The following CLECL1 variants were observed in gnomAD, a reference collection of about 807,000 sequenced individuals.
CLECL1 encodes C-type lectin-like domain family 1.
the CLECL1 span, among the ~76,000 whole-genome samples, chr12:9,703,139 C>A: frequency 5.9e-5 from 9 of 152,178 alleles, no homozygotes; most frequent in South Asian, 1.7e-3. Context: ...CTGACAGTTT[C>A]TGACTGCAAT....
At chr12:9,703,732 G>T in the CLECL1 span, among the ~76,000 whole-genome samples, 1 of 151,494 alleles carries the variant, frequency 6.6e-6, no homozygotes, top group Admixed American at 6.6e-5. Context: ...ACACTTGCCC[G>T]CATATATATA....
chr12:9,714,192 T>A (rs746198545), downstream of CLECL1, among the ~76,000 whole-genome samples: 1 of 152,392 alleles, frequency 6.6e-6, no homozygotes, highest in Non-Finnish European at 1.5e-5. Flanking sequence ...GATATCTTCA[T>A]GAGCCATCTT....
At chr12:9,722,602 C>T, downstream of CLECL1, 1 of 1,553,428 alleles carries the variant, frequency 6.4e-7, no homozygotes, top group Middle Eastern at 1.7e-4. Flanking sequence ...AAATTCACTG[C>T]CAGTGTGGGG....
At chr12:9,724,973 C>T (rs1294485294) in intron 3 of CLECL1, among the ~76,000 whole-genome samples, 1 of 151,978 alleles carries the variant, frequency 6.6e-6, no homozygotes, top group African/African-American at 2.4e-5. Flanking sequence ...TACAAAAATC[C>T]CTCATCCTCA....
At chr12:9,703,943 T>G in the CLECL1 span, 1 of 151,866 alleles carries the variant, frequency 6.6e-6, no homozygotes, top group Non-Finnish European at 1.5e-5. Context: ...AGTAGCAAGG[T>G]GAACATATGT....
At chr12:9,727,054 G>C (rs1866388516) in intron 3 of CLECL1, among the ~76,000 whole-genome samples, 1 of 151,454 alleles carries the variant, frequency 6.6e-6, no homozygotes, top group Non-Finnish European at 1.5e-5. Flanking sequence ...TTTTAATACA[G>C]AATTAAAATG....
intron 2 of CLECL1, chr12:9,716,916 A>C: frequency 2.7e-6 from 1 of 376,716 alleles, no homozygotes; most frequent in Non-Finnish European, 4.9e-6. Context: ...AGTAAACCAC[A>C]CCCCCACGTC....
the CLECL1 span, among the ~76,000 whole-genome samples, chr12:9,707,850 T>G: frequency 2.0e-5 from 3 of 152,194 alleles, no homozygotes; most frequent in African/African-American, 7.2e-5. Context: ...TTCTTTATAG[T>G]GTTAAGAGTT....
At chr12:9,705,520 G>GT in the CLECL1 span, among the ~76,000 whole-genome samples, 61 of 152,156 alleles carry the variant, frequency 4.0e-4, no homozygotes, top group African/African-American at 1.4e-3. Context: ...TTCTTCTATG[G>GT]TTTTTATAGT....
chr12:9,705,758 T>C, the CLECL1 span, among the ~76,000 whole-genome samples: 1 of 152,170 alleles, frequency 6.6e-6, no homozygotes, highest in South Asian at 2.1e-4. Context: ...TTGGTCTATG[T>C]GTCTGTTGTT....
downstream of CLECL1, chr12:9,722,609 G>A (rs1360843699): frequency 2.5e-6 from 4 of 1,574,600 alleles, no homozygotes; most frequent in African/African-American, 5.4e-5. Context: ...CTGCCAGTGT[G>A]GGGGATGCTG....
intron 2 of CLECL1, among the ~76,000 whole-genome samples, chr12:9,727,995 G>T (rs1250821127): frequency 1.3e-5 from 2 of 151,782 alleles, no homozygotes; most frequent in Non-Finnish European, 1.5e-5. Context: ...CTCATATTTA[G>T]ATCATTTGTG....
downstream of CLECL1, among the ~76,000 whole-genome samples, chr12:9,722,269 C>T (rs927287755): frequency 2.6e-5 from 4 of 152,178 alleles, no homozygotes; most frequent in African/African-American, 9.7e-5. Flanking sequence ...TCTGCCTTCC[C>T]TTTCTCACAA....
At chr12:9,728,020 A>C (rs1866400156) in intron 2 of CLECL1, among the ~76,000 whole-genome samples, 2 of 151,824 alleles carry the variant, frequency 1.3e-5, no homozygotes, top group East Asian at 3.8e-4. Flanking sequence ...GTGAGTTCCT[A>C]TTAATTATAT....
chr12:9,704,548 C>A, the CLECL1 span, among the ~76,000 whole-genome samples: 2 of 151,660 alleles, frequency 1.3e-5, no homozygotes, highest in Non-Finnish European at 2.9e-5. Context: ...TTTTTAAATT[C>A]TCTCCCTCCT....
chr12:9,734,253 A>AT (rs1281744604), upstream of CLECL1, among the ~76,000 whole-genome samples: 1 of 152,196 alleles, frequency 6.6e-6, no homozygotes, highest in Non-Finnish European at 1.5e-5. Context: ...GCTTTGTGGC[A>AT]TTTAGGGATC....
the CLECL1 span, among the ~76,000 whole-genome samples, chr12:9,704,610 A>G: frequency 1.3e-5 from 2 of 151,918 alleles, no homozygotes; most frequent in Non-Finnish European, 2.9e-5. Context: ...CCCTCTAGGT[A>G]TCTATGTGTT....
chr12:9,716,704 G>A, exon 3 of CLECL1: 1 of 1,046,882 alleles, frequency 9.6e-7, no homozygotes, highest in Non-Finnish European at 1.3e-6. Context: ...ACATATGGAT[G>A]CCTGTAGCCT....
the CLECL1 span, among the ~76,000 whole-genome samples, chr12:9,710,147 C>G: frequency 6.6e-6 from 1 of 152,168 alleles, no homozygotes; most frequent in Non-Finnish European, 1.5e-5. Context: ...CTTCTTATGT[C>G]TGTAATATTT....
Sources: gnomAD v4.1 joint callset for allele counts (sites outside exome capture counted in the v4.1 genomes callset) on GRCh38, gnomAD v4.1.1 for gene constraint, MANE v1.5 for transcripts, NCBI Gene and HGNC (gene_info 2026-07-23, HGNC 2026-07-21) for gene names.